The following TRHDE variants were observed in gnomAD, a reference collection of about 807,000 sequenced individuals.
TRHDE encodes the protein thyrotropin-releasing hormone-degrading ectoenzyme.
In TRHDE, 72 loss-of-function variants were observed where a neutral mutation model predicts 125.7. The observed-to-expected ratio is 0.57, with a 90% CI of 0.47 to 0.70. TRHDE has a LOEUF of 0.70. TRHDE is among the 30% of genes least tolerant of loss of function. The pLI is 0.00. For synonymous variants in TRHDE, 509 were observed against 509.1 expected, an observed-to-expected ratio of 1.00 and a Z score of 0.00; for missense variants, 1,110 against 1,327.1, an observed-to-expected ratio of 0.84 and a Z score of 2.54.
intron 15 of TRHDE, among the ~76,000 whole-genome samples, chr12:72,650,830 T>C (rs1471543745): frequency 6.6e-6 from 1 of 152,142 alleles, no homozygotes; most frequent in Non-Finnish European, 1.5e-5. Flanking sequence ...TTATTAAAGA[T>C]GGAGGCATCT....
chr12:72,386,710 C>A (rs887212925), intron 3 of TRHDE, among the ~76,000 whole-genome samples: 42 of 152,216 alleles, frequency 2.8e-4, no homozygotes, highest in African/African-American at 9.9e-4. Context: ...CAGACTTCCC[C>A]TCAACACTAT....
chr12:72,258,189 G>C (rs150893632), intron 2 of TRHDE: 1 of 152,246 alleles, frequency 6.6e-6, no homozygotes, highest in Non-Finnish European at 1.5e-5. Flanking sequence ...AGGAGAGTAG[G>C]AAGGAAGGTA....
intron 3 of TRHDE, among the ~76,000 whole-genome samples, chr12:72,443,466 C>T (rs757742649): frequency 6.6e-6 from 1 of 151,550 alleles, no homozygotes; most frequent in Admixed American, 6.6e-5. Flanking sequence ...GAAGCAAGGA[C>T]TTAGATTGAG....
chr12:72,097,426 CATTTTCTCACTGAATT>C (rs769320196), intron 1 of TRHDE, among the ~76,000 whole-genome samples: 2 of 61,786 alleles, frequency 3.2e-5, no homozygotes, highest in Non-Finnish European at 4.5e-5. Context: ...CTTGCAGTAG[CATTTTCTCACTGAATT>C]TTTTTTTTTT....
At chr12:72,312,682 T>C (rs1364680944) in intron 2 of TRHDE, among the ~76,000 whole-genome samples, 1 of 152,206 alleles carries the variant, frequency 6.6e-6, no homozygotes, top group Non-Finnish European at 1.5e-5. Context: ...GGCTATATTA[T>C]TCTCTCAAAC....
chr12:72,527,085 T>C (rs1565778814), intron 6 of TRHDE, among the ~76,000 whole-genome samples: 1 of 152,158 alleles, frequency 6.6e-6, no homozygotes, highest in Non-Finnish European at 1.5e-5. Flanking sequence ...AGTGTTTTAT[T>C]TTTTCCTATC....
chr12:72,262,281 G>A (rs3803029), intron 2 of TRHDE, among the ~76,000 whole-genome samples: 26,173 of 152,156 alleles, frequency 0.17, 2,327 homozygotes, highest in Middle Eastern at 0.31. Context: ...ATTTTATAAG[G>A]TCGCTAAGAC....
intron 7 of TRHDE, among the ~76,000 whole-genome samples, chr12:72,555,006 G>A (rs917208249): frequency 6.6e-6 from 1 of 152,192 alleles, no homozygotes; most frequent in Non-Finnish European, 1.5e-5. Flanking sequence ...GCCATTGTCT[G>A]TAATTTAAAG....
chr12:72,430,263 T>A (rs1874386316), intron 3 of TRHDE, among the ~76,000 whole-genome samples: 1 of 145,854 alleles, frequency 6.9e-6, no homozygotes, highest in Non-Finnish European at 1.5e-5. Context: ...ATATATATAA[T>A]ACACACATAT....
chr12:72,630,114 A>G (rs1372341570), intron 15 of TRHDE, among the ~76,000 whole-genome samples: 1 of 151,584 alleles, frequency 6.6e-6, no homozygotes, highest in Non-Finnish European at 1.5e-5. Flanking sequence ...TGGCAGTAAC[A>G]GCAAAATTAA....
chr12:72,510,287 T>C (rs907786125), intron 6 of TRHDE, among the ~76,000 whole-genome samples: 1 of 152,216 alleles, frequency 6.6e-6, no homozygotes, highest in Non-Finnish European at 1.5e-5. Flanking sequence ...TTAGATATTC[T>C]ACAGTATCTG....
intron 2 of TRHDE, among the ~76,000 whole-genome samples, chr12:72,150,443 T>C (rs1272202608): frequency 6.6e-6 from 1 of 151,328 alleles, no homozygotes; most frequent in African/African-American, 2.4e-5. Context: ...ACATGTGCAC[T>C]ACGTGCAGGT....
intron 2 of TRHDE, among the ~76,000 whole-genome samples, chr12:72,291,138 G>T (rs1490746285): frequency 1.3e-5 from 2 of 152,180 alleles, no homozygotes; most frequent in African/African-American, 4.8e-5. Context: ...ATCTAATTTA[G>T]GTTCAGGCAT....
intron 3 of TRHDE, among the ~76,000 whole-genome samples, chr12:72,391,729 A>G (rs948332083): frequency 6.6e-6 from 1 of 152,106 alleles, no homozygotes; most frequent in African/African-American, 2.4e-5. Flanking sequence ...GTCAATTTTT[A>G]TTAGTATTAA....
chr12:72,649,818 A>G (rs542857189), intron 15 of TRHDE, among the ~76,000 whole-genome samples: 23 of 152,198 alleles, frequency 1.5e-4, no homozygotes, highest in Admixed American at 8.5e-4. Context: ...ATGCAAATGA[A>G]AATCACAATG....
At chr12:72,182,855 T>C (rs1347556037) in intron 2 of TRHDE, among the ~76,000 whole-genome samples, 3 of 152,072 alleles carry the variant, frequency 2.0e-5, no homozygotes, top group Non-Finnish European at 4.4e-5. Context: ...AAATGTCCAG[T>C]TTTATGGGCC....
intron 2 of TRHDE, among the ~76,000 whole-genome samples, chr12:72,221,864 C>T (rs2139368417): frequency 6.6e-6 from 1 of 152,172 alleles, no homozygotes; most frequent in East Asian, 1.9e-4. Flanking sequence ...GAGAAAGGCC[C>T]ATATGATTGG....
At chr12:72,456,665 A>G (rs181363180) in intron 3 of TRHDE, among the ~76,000 whole-genome samples, 84 of 152,166 alleles carry the variant, frequency 5.5e-4, no homozygotes, top group East Asian at 2.1e-3. Context: ...GAGTATTTAC[A>G]TTAGGAGAAA....
chr12:72,219,473 G>C (rs1877960637), intron 2 of TRHDE, among the ~76,000 whole-genome samples: 1 of 152,096 alleles, frequency 6.6e-6, no homozygotes, highest in Non-Finnish European at 1.5e-5. Flanking sequence ...TGCAGTGAGA[G>C]TCATTTTCAG....
Sources: gnomAD v4.1 joint callset for allele counts (sites outside exome capture counted in the v4.1 genomes callset) on GRCh38, gnomAD v4.1.1 for gene constraint, MANE v1.5 for transcripts, NCBI Gene and HGNC (gene_info 2026-07-23, HGNC 2026-07-21) for gene names.